Variants in TFDP2 observed in about 807,000 individuals in gnomAD.
TFDP2 encodes the protein transcription factor Dp-2, also known as transcription factor Dp-2 (E2F dimerization partner 2).
In TFDP2, 17 loss-of-function variants were observed where a neutral mutation model predicts 59.3. That is an observed-to-expected ratio of 0.29 (90% CI 0.20 to 0.43). The LOEUF is 0.43. Ranked by LOEUF, TFDP2 falls within the 20% of genes least tolerant of loss-of-function variation. The probability of loss-of-function intolerance (pLI) is 1.00; values close to 1 mark genes in which losing one functional copy is unlikely to be tolerated. For missense variants in TFDP2, 391 were observed against 528.8 expected, an observed-to-expected ratio of 0.74 and a Z score of 2.56; for synonymous variants, 180 against 194.7, an observed-to-expected ratio of 0.92 and a Z score of 0.63.
intron 1 of TFDP2, among the ~76,000 whole-genome samples, chr3:142,114,430 G>A (rs2061778024): frequency 6.6e-6 from 1 of 152,002 alleles, no homozygotes; most frequent in African/African-American, 2.4e-5. Flanking sequence ...AGTTTTAGAT[G>A]ACTAAAAAAA....
intron 3 of TFDP2, among the ~76,000 whole-genome samples, chr3:142,073,297 C>T (rs1481380624): frequency 3.9e-5 from 6 of 151,954 alleles, no homozygotes; most frequent in Non-Finnish European, 5.9e-5. Flanking sequence ...GAGTTTTGTA[C>T]GCTACTGATA....
At chr3:141,985,511 C>T (rs1433664825) in intron 6 of TFDP2, among the ~76,000 whole-genome samples, 4 of 110,620 alleles carry the variant, frequency 3.6e-5, no homozygotes, top group African/African-American at 7.3e-5. Flanking sequence ...CAGAGCAAGA[C>T]GCTGTCTCAA....
intron 1 of TFDP2, among the ~76,000 whole-genome samples, chr3:142,147,489 T>G (rs2063218963): frequency 6.6e-6 from 1 of 152,198 alleles, no homozygotes; most frequent in South Asian, 2.1e-4. Context: ...AACTTCCATG[T>G]GCCACTTGGA....
At chr3:142,047,784 C>A (rs1947416406) in intron 3 of TFDP2, among the ~76,000 whole-genome samples, 1 of 144,564 alleles carries the variant, frequency 6.9e-6, no homozygotes, top group Non-Finnish European at 1.5e-5. Flanking sequence ...GTTGCCCAGG[C>A]TCCAGTGCAG....
chr3:141,967,430 T>C (rs1170949548), intron 9 of TFDP2, among the ~76,000 whole-genome samples: 1 of 151,316 alleles, frequency 6.6e-6, no homozygotes, highest in Non-Finnish European at 1.5e-5. Context: ...GTAGCTGAGA[T>C]TACAGGCATG....
At chr3:141,969,091 C>CCGGCCT in intron 9 of TFDP2, among the ~76,000 whole-genome samples, 21 of 43,226 alleles carry the variant, frequency 4.9e-4, no homozygotes, top group African/African-American at 2.3e-3. Context: ...ATATATATAA[C>CCGGCCT]ATATATATAT....
At chr3:142,067,538 C>T (rs555943117) in intron 3 of TFDP2, among the ~76,000 whole-genome samples, 2 of 152,132 alleles carry the variant, frequency 1.3e-5, no homozygotes, top group East Asian at 3.9e-4. Flanking sequence ...ATTAAGATTT[C>T]AGTTATTCTC....
chr3:142,050,462 G>A (rs946770342), intron 3 of TFDP2, among the ~76,000 whole-genome samples: 39 of 152,084 alleles, frequency 2.6e-4, no homozygotes, highest in African/African-American at 8.7e-4. Context: ...TTAGGAGGCC[G>A]AGGCAGGCGG....
chr3:142,093,016 A>G, intron 3 of TFDP2, 45 bp downstream of exon 3: 1 of 1,346,166 alleles, frequency 7.4e-7, no homozygotes, highest in South Asian at 1.4e-5. Flanking sequence ...AACAAATGCA[A>G]TAAAACTAAC....
At chr3:142,120,167 C>T (rs2061996501) in intron 1 of TFDP2, among the ~76,000 whole-genome samples, 1 of 151,484 alleles carries the variant, frequency 6.6e-6, no homozygotes, top group African/African-American at 2.4e-5. Flanking sequence ...TCAAGACCAT[C>T]CTGGCCAACA....
In TFDP2 at chr3:141,959,813, G is replaced by A; in HGVS notation, c.912C>T (p.Asn304=). ...DKFEYLFNFD[N]TFEIHDDIEV... is the part of the protein sequence containing the mutation. The stretch of plus-strand genomic sequence containing the variant: ...CTATGTCATCATGGATCTCAAAGGT[G>A]TTGTCAAAATTGAAAAGATACTCAA... Residue 304 remains asparagine, a synonymous_variant, in exon 11 of 13, where the codon AAC becomes AAT. Coordinates refer to ENST00000489671, the MANE Select transcript of TFDP2 (RefSeq NM_001178139.2). The A allele has an allele frequency of 6.2e-7, 1 of 1,614,068 alleles. No individual in the cohort carries two copies. The highest frequency in any genetic ancestry group is 8.5e-7 in the Non-Finnish European group (1 of 1,179,996).
chr3:142,063,965 T>C (rs2059997208), intron 3 of TFDP2, among the ~76,000 whole-genome samples: 1 of 152,164 alleles, frequency 6.6e-6, no homozygotes, highest in Non-Finnish European at 1.5e-5. Context: ...AGTTTTTTTC[T>C]TGTTTTGAGA....
At chr3:142,043,191 C>T (rs1289345031) in intron 3 of TFDP2, among the ~76,000 whole-genome samples, 2 of 151,758 alleles carry the variant, frequency 1.3e-5, no homozygotes, top group Non-Finnish European at 2.9e-5. Flanking sequence ...GGACTACAGG[C>T]TCCTGCCACC....
At position 141,969,043 on chromosome 3, in the gene TFDP2, T is replaced by G. The variant is rs1258257434; in HGVS notation, c.732+1030A>C. Among the ~76,000 whole-genome samples, 63 of 88,228 alleles carry G rather than the reference T, an allele frequency of 7.1e-4. 1 individual carries two copies. The highest frequency in any genetic ancestry group is 2.2e-3 in the East Asian group (7 of 3,234). The allele number at this position is 88,228 out of a possible 152,430, so 57.9% of individuals were successfully genotyped here. A position where few individuals can be genotyped will look rare whatever the true frequency, so the allele number is the denominator to read the frequency against. ...ATATAACATATATCTCATATATAGA[T>G]ATATATATAACATATATATCTCATA... On this transcript the variant is annotated intron_variant, in intron 9 of 12. Coordinates refer to ENST00000489671, the MANE Select transcript of TFDP2 (RefSeq NM_001178139.2).
At chr3:142,080,329 A>C (rs2060593114) in intron 3 of TFDP2, among the ~76,000 whole-genome samples, 1 of 152,172 alleles carries the variant, frequency 6.6e-6, no homozygotes, top group African/African-American at 2.4e-5. Context: ...ACCTCAAATC[A>C]AACAACATAC....
chr3:141,960,718 T>C (rs1559922150), intron 10 of TFDP2, among the ~76,000 whole-genome samples: 1 of 152,140 alleles, frequency 6.6e-6, no homozygotes, highest in Non-Finnish European at 1.5e-5. Flanking sequence ...ATCTAAAGTA[T>C]ATGAATTTGA....
intron 3 of TFDP2, among the ~76,000 whole-genome samples, chr3:142,071,684 G>T (rs977935964): frequency 6.6e-6 from 1 of 152,170 alleles, no homozygotes; most frequent in African/African-American, 2.4e-5. Flanking sequence ...GGGTGAGGAA[G>T]GCTCAGAGAG....
In TFDP2 at chr3:142,128,426, G is replaced by A. The variant is rs115163871; in HGVS notation, c.-93+20757C>T. ...GCCTGGGACTAGGAGATCCCTCTGC[G>A]AGGGAAAGTGATCCAAGAGAAAAGA... is the stretch of plus-strand genomic sequence containing the variant. On this transcript the variant is annotated intron_variant, in intron 1 of 12. Coordinates refer to ENST00000489671, the MANE Select transcript of TFDP2 (RefSeq NM_001178139.2). Among the ~76,000 whole-genome samples, 563 of 152,286 alleles carry A rather than the reference G, an allele frequency of 3.7e-3. 3 individuals carry two copies. Among genetic ancestry groups the A allele is most frequent in the African/African-American group, 0.013 (532 of 41,544 alleles).
chr3:141,976,922 G>A (rs925774021), intron 7 of TFDP2, among the ~76,000 whole-genome samples: 4 of 150,218 alleles, frequency 2.7e-5, no homozygotes, highest in African/African-American at 9.8e-5. Flanking sequence ...AGTAATAAAA[G>A]TAAAACTTTA....
Sources: gnomAD v4.1 joint callset for allele counts (sites outside exome capture counted in the v4.1 genomes callset) on GRCh38, gnomAD v4.1.1 for gene constraint, MANE v1.5 for transcripts, NCBI Gene and HGNC (gene_info 2026-07-23, HGNC 2026-07-21) for gene names.